TNIK: variants seen among roughly 807,000 people sequenced by gnomAD.
TNIK encodes the protein TRAF2 and NCK interacting kinase, also known as TRAF2 and NCK-interacting protein kinase.
Under a neutral mutation model 191.3 loss-of-function variants are expected in TNIK, and 49 were observed. The ratio of observed to expected loss-of-function variants is 0.26; its 90% CI spans 0.20 to 0.32. TNIK has a LOEUF of 0.32. TNIK is among the 10% of genes least tolerant of loss of function. TNIK has a pLI of 1.00. For missense variants in TNIK, 1,155 were observed against 1,702.3 expected (o/e 0.68, Z 5.66); for synonymous variants, 594 against 600.9 (o/e 0.99, Z 0.17).
chr3:171,294,721 C>CAATAAT (rs969776310), intron 2 of TNIK, among the ~76,000 whole-genome samples: 2 of 151,254 alleles, frequency 1.3e-5, no homozygotes, highest in Non-Finnish European at 2.9e-5. Flanking sequence ...AACTCCATCT[C>CAATAAT]AATAATAATA....
At chr3:171,346,814 G>C in intron 2 of TNIK, 1 of 183,726 alleles carries the variant, frequency 5.4e-6, no homozygotes, top group African/African-American at 2.3e-5. Context: ...GGATCCCAGA[G>C]AGTGAGAAAG....
chr3:171,334,971 A>T (rs1756805310), intron 2 of TNIK, among the ~76,000 whole-genome samples: 1 of 149,634 alleles, frequency 6.7e-6, no homozygotes, highest in East Asian at 2.0e-4. Context: ...ATTTGAAGTG[A>T]CTTTCAGAGT....
chr3:171,353,899 T>G (rs956256211), intron 2 of TNIK, among the ~76,000 whole-genome samples: 1 of 152,196 alleles, frequency 6.6e-6, no homozygotes, highest in African/African-American at 2.4e-5. Context: ...AGAGTTAATA[T>G]CTATGATTTC....
chr3:171,064,519 G>A (rs1718179542), intron 32 of TNIK, among the ~76,000 whole-genome samples: 1 of 152,164 alleles, frequency 6.6e-6, no homozygotes, highest in Admixed American at 6.5e-5. Context: ...GGTATTTAAT[G>A]CCTACTCATT....
intron 12 of TNIK, among the ~76,000 whole-genome samples, chr3:171,149,531 G>A (rs1296707934): frequency 2.6e-5 from 4 of 152,056 alleles, no homozygotes; most frequent in African/African-American, 4.8e-5. Flanking sequence ...GTGACAAAGC[G>A]GACAAAGTCA....
chr3:171,277,290 C>T (rs1487403236), intron 2 of TNIK, among the ~76,000 whole-genome samples: 2 of 152,084 alleles, frequency 1.3e-5, no homozygotes, highest in Non-Finnish European at 2.9e-5. Context: ...TCTCATTTCT[C>T]TATAAATTAT....
At chr3:171,097,773 A>T (rs1047428837) in intron 22 of TNIK, among the ~76,000 whole-genome samples, 1 of 152,196 alleles carries the variant, frequency 6.6e-6, no homozygotes, top group African/African-American at 2.4e-5. Flanking sequence ...AGCAGTACGA[A>T]AATGGACTAA....
chr3:171,417,713 G>C (rs1473644881), intron 1 of TNIK, among the ~76,000 whole-genome samples: 1 of 152,100 alleles, frequency 6.6e-6, no homozygotes, highest in Non-Finnish European at 1.5e-5. Context: ...CAATAAGTAT[G>C]TTTCTTTAAT....
intron 8 of TNIK, 94 bp from the exon 9 acceptor site, chr3:171,175,424 C>T (rs1438048949): frequency 9.7e-7 from 1 of 1,027,874 alleles, no homozygotes; most frequent in Non-Finnish European, 1.4e-6. Flanking sequence ...GCCCAATGAC[C>T]CACTCAGTTT....
intron 2 of TNIK, among the ~76,000 whole-genome samples, chr3:171,302,520 G>A (rs1039707931): frequency 3.3e-5 from 5 of 152,182 alleles, no homozygotes; most frequent in Non-Finnish European, 1.5e-5. Flanking sequence ...AAGTGTACCT[G>A]TATCCTTGCA....
intron 2 of TNIK, among the ~76,000 whole-genome samples, chr3:171,259,183 G>A (rs1199349451): frequency 2.0e-5 from 3 of 152,112 alleles, no homozygotes; most frequent in Non-Finnish European, 4.4e-5. Flanking sequence ...ATAAATGTTG[G>A]GGGAATAAAT....
chr3:171,259,647 T>C (rs1240208649), intron 2 of TNIK, among the ~76,000 whole-genome samples: 4 of 152,178 alleles, frequency 2.6e-5, no homozygotes, highest in South Asian at 4.1e-4. Context: ...GCTAATCTCA[T>C]GGCCAACGGT....
intron 2 of TNIK, among the ~76,000 whole-genome samples, chr3:171,231,876 G>T (rs1743695084): frequency 6.6e-6 from 1 of 152,036 alleles, no homozygotes; most frequent in South Asian, 2.1e-4. Context: ...CTAAACTTAG[G>T]ACACTTTCTC....
intron 2 of TNIK, among the ~76,000 whole-genome samples, chr3:171,300,907 T>C (rs888681487): frequency 6.6e-6 from 1 of 152,114 alleles, no homozygotes; most frequent in African/African-American, 2.4e-5. Flanking sequence ...AGTGTTCAAT[T>C]AAAAGGCTCT....
At chr3:171,088,531 C>A (rs752205321) in intron 23 of TNIK, among the ~76,000 whole-genome samples, 4 of 152,110 alleles carry the variant, frequency 2.6e-5, no homozygotes, top group Non-Finnish European at 5.9e-5. Context: ...CCATGCCCGG[C>A]CAAAGGTATT....
intron 27 of TNIK, among the ~76,000 whole-genome samples, chr3:171,081,487 G>A (rs1053336900): frequency 6.7e-6 from 1 of 149,272 alleles, no homozygotes; most frequent in Non-Finnish European, 1.5e-5. Context: ...CTCTGGTCTG[G>A]GGGTGCAGCC....
At chr3:171,137,231 A>T (rs1730155617) in intron 15 of TNIK, among the ~76,000 whole-genome samples, 1 of 151,482 alleles carries the variant, frequency 6.6e-6, no homozygotes, top group Non-Finnish European at 1.5e-5. Context: ...AATACAAAGA[A>T]TTATTTTCAT....
chr3:171,066,399 T>C, intron 31 of TNIK, 73 bp from the exon 32 acceptor site: 4 of 1,592,636 alleles, frequency 2.5e-6, no homozygotes, highest in Non-Finnish European at 1.7e-6. Flanking sequence ...TGTTCACATC[T>C]TAACCACAAA....
At position 171,093,903 on chromosome 3, in the gene TNIK, T is replaced by C; in HGVS notation, c.2657A>G (p.Glu886Gly). 6.2e-7 allele frequency: 1 copy of C among 1,613,962 alleles called. No individual in the cohort carries two copies. Among genetic ancestry groups the C allele is most frequent in the Non-Finnish European group, 8.5e-7 (1 of 1,179,866 alleles). ...GCTGAAACTGTCCGCATGAGAGGTC[T>C]CCAGCCCATGCGTCCCCACCATTCC... ...NVGMVGTHGL[E>G]TSHADSFSGS... The change falls in exon 23 of 33, where the codon GAG becomes GGG. Residue 886 changes from glutamate (E) to glycine (G), a missense_variant. Physicochemically the swap from Glu to Gly is moderately conservative, Grantham distance 98 (BLOSUM62 -2). Coordinates refer to ENST00000436636, the MANE Select transcript of TNIK (RefSeq NM_015028.4).
Sources: allele counts gnomAD v4.1 joint callset (sites outside exome capture counted in the v4.1 genomes callset), GRCh38; gene constraint gnomAD v4.1.1; transcripts MANE v1.5; gene names NCBI Gene and HGNC (gene_info 2026-07-23, HGNC 2026-07-21).